HS2ST1: variants seen among roughly 807,000 people sequenced by gnomAD.
HS2ST1 encodes 2-O-sulfotransferase.
HS2ST1 carries 18 observed loss-of-function variants against 42.9 expected under a neutral mutation model. That is an observed-to-expected ratio of 0.42 (90% CI 0.29 to 0.62). The LOEUF (loss-of-function observed/expected upper bound fraction) is 0.62. HS2ST1 is among the 20% of genes least tolerant of loss of function. The pLI, the probability that HS2ST1 is intolerant of heterozygous loss-of-function variation, is 0.21. For missense variants in HS2ST1, 334 were observed against 433.8 expected (o/e 0.77, Z 2.04); for synonymous variants, 146 against 152.9 (o/e 0.95, Z 0.33).
chr1:87,061,405 C>T (rs1651119835), intron 1 of HS2ST1, among the ~76,000 whole-genome samples: 2 of 151,994 alleles, frequency 1.3e-5, no homozygotes, highest in African/African-American at 4.8e-5. Context: ...TCCATTTCTC[C>T]CTCCCCCCAT....
intron 1 of HS2ST1, among the ~76,000 whole-genome samples, chr1:87,033,875 A>G (rs1012436302): frequency 8.5e-5 from 13 of 152,118 alleles, no homozygotes; most frequent in African/African-American, 3.1e-4. Flanking sequence ...TTTGCATAAT[A>G]CTTTGACTTT....
In HS2ST1 at chr1:87,107,538, G is replaced by A. The variant is rs754426850; in HGVS notation, c.*2842G>A. On this transcript the variant is annotated 3_prime_UTR_variant, in exon 7 of 7. Transcript: ENST00000370550. ...GTGGTTTTCTTTTTTCAGCCTTTGC[G>A]CTTTTTCAGTATTTTGACCATAGGG... 1 of 150,982 alleles carries A rather than the reference G, an allele frequency of 6.6e-6. No homozygotes were observed. The highest frequency in any genetic ancestry group is 1.5e-5 in the Non-Finnish European group (1 of 67,698). 9.4% of individuals were successfully genotyped at this position (150,982 alleles called of 1,614,324 possible). A position where few individuals can be genotyped will look rare whatever the true frequency, so the allele number is the denominator to read the frequency against.
chr1:87,001,242 C>A lies in HS2ST1; in HGVS notation c.125-71692C>A, dbSNP rs988343507. ...CTGTACACAGGCTACTCCTCATAAT[C>A]CATTGCTTATCTTTTTGAACCAAGT... On this transcript the variant is annotated intron_variant, in intron 1 of 6. Transcript: ENST00000370550. Among the ~76,000 whole-genome samples the A allele has an allele frequency of 3.3e-5, 5 of 152,068 alleles. No homozygotes were observed. In the South Asian group the frequency reaches 1.0e-3, roughly 32 times the overall value.
Position 86,925,930 on chromosome 1 carries a change from C to T in HS2ST1, c.124+10770C>T, listed in dbSNP as rs1660407620. On this transcript the variant is annotated intron_variant, in intron 1 of 6. Coordinates refer to ENST00000370550, the MANE Select transcript of HS2ST1 (RefSeq NM_012262.4). ...TCTTTACGTGTCTGGTAATTTTTAACTGGATGGCAGACATTATTTTACCTT... is the reference window on the plus strand; with the variant it reads ...TCTTTACGTGTCTGGTAATTTTTAATTGGATGGCAGACATTATTTTACCTT... Among the ~76,000 whole-genome samples the T allele has an allele frequency of 3.3e-5, 5 of 152,278 alleles. No homozygotes were observed. The South Asian group carries it at 1.0e-3, about 32-fold the overall frequency.
At chr1:87,074,120 A>G (rs947612278) in intron 2 of HS2ST1, among the ~76,000 whole-genome samples, 1 of 152,200 alleles carries the variant, frequency 6.6e-6, no homozygotes, top group Non-Finnish European at 1.5e-5. Flanking sequence ...AGCTGTTTGT[A>G]AAGGCTAGTA....
intron 1 of HS2ST1, among the ~76,000 whole-genome samples, chr1:87,014,892 T>G (rs1037478864): frequency 3.3e-5 from 5 of 152,260 alleles, no homozygotes; most frequent in African/African-American, 4.8e-5. Context: ...TCCTAACTTC[T>G]ATAAATACAC....
intron 1 of HS2ST1, chr1:87,044,835 A>G (rs1650605708): frequency 2.7e-6 from 2 of 747,698 alleles, no homozygotes; most frequent in Non-Finnish European, 4.2e-6. Flanking sequence ...ACTGGTGTCC[A>G]TTTTTTCCCC....
intron 1 of HS2ST1, among the ~76,000 whole-genome samples, chr1:87,042,062 T>G (rs1216615682): frequency 2.0e-5 from 3 of 152,196 alleles, no homozygotes; most frequent in Non-Finnish European, 4.4e-5. Flanking sequence ...GATATGCATT[T>G]CCCTGATGGT....
intron 1 of HS2ST1, among the ~76,000 whole-genome samples, chr1:87,011,064 G>T (rs991542954): frequency 6.6e-6 from 1 of 152,068 alleles, no homozygotes; most frequent in Non-Finnish European, 1.5e-5. Flanking sequence ...GGGATTATAG[G>T]CATGAGCCAC....
At chr1:87,043,669 C>A (rs1308631316) in intron 1 of HS2ST1, among the ~76,000 whole-genome samples, 1 of 152,004 alleles carries the variant, frequency 6.6e-6, no homozygotes, top group Non-Finnish European at 1.5e-5. Context: ...GAAATAACAT[C>A]TTTCTTGTTG....
At chr1:86,950,617 A>G (rs1647485560) in intron 1 of HS2ST1, among the ~76,000 whole-genome samples, 1 of 152,210 alleles carries the variant, frequency 6.6e-6, no homozygotes, top group African/African-American at 2.4e-5. Flanking sequence ...AATGGGGTAC[A>G]TGTTGACATA....
At chr1:86,992,244 A>G (rs1648974046) in intron 1 of HS2ST1, among the ~76,000 whole-genome samples, 1 of 151,604 alleles carries the variant, frequency 6.6e-6, no homozygotes, top group Admixed American at 6.6e-5. Flanking sequence ...GTCTTCCTCA[A>G]AACTGGTCCT....
At chr1:86,953,312 G>C (rs556887075) in intron 1 of HS2ST1, among the ~76,000 whole-genome samples, 2 of 152,234 alleles carry the variant, frequency 1.3e-5, no homozygotes, top group African/African-American at 4.8e-5. Context: ...CCATTTCAGC[G>C]ATAAGGCAGT....
chr1:86,963,914 C>A (rs1030826945), intron 1 of HS2ST1, among the ~76,000 whole-genome samples: 4 of 150,252 alleles, frequency 2.7e-5, no homozygotes, highest in Non-Finnish European at 5.9e-5. Context: ...CCCCACCTCC[C>A]GGACGGGGCG....
At chr1:86,959,733 A>T (rs1025387624) in intron 1 of HS2ST1, among the ~76,000 whole-genome samples, 2 of 44,926 alleles carry the variant, frequency 4.5e-5, no homozygotes, top group South Asian at 2.2e-3. Flanking sequence ...CCTTAGATAT[A>T]AATCTTGCAA....
chr1:86,941,298 T>TTGACCAAA (rs1660757921), intron 1 of HS2ST1, among the ~76,000 whole-genome samples: 2 of 152,072 alleles, frequency 1.3e-5, no homozygotes, highest in Admixed American at 1.3e-4. Context: ...TATTCCTCAT[T>TTGACCAAA]TTTTCTCCTC....
chr1:87,071,375 T>C (rs574411338), intron 1 of HS2ST1, among the ~76,000 whole-genome samples: 1 of 152,298 alleles, frequency 6.6e-6, no homozygotes, highest in African/African-American at 2.4e-5. Flanking sequence ...ACACATACAA[T>C]GTAAAACTGC....
chr1:86,921,109 G>C (rs1317356372), intron 1 of HS2ST1, among the ~76,000 whole-genome samples: 1 of 152,086 alleles, frequency 6.6e-6, no homozygotes, highest in African/African-American at 2.4e-5. Flanking sequence ...AACTATCTTG[G>C]TAAATGTTCC....
At chr1:86,937,463 T>G (rs1660681012) in intron 1 of HS2ST1, among the ~76,000 whole-genome samples, 1 of 152,192 alleles carries the variant, frequency 6.6e-6, no homozygotes, top group Non-Finnish European at 1.5e-5. Context: ...TATGCATTCT[T>G]TCTTATTTGT....
Sources: allele counts gnomAD v4.1 joint callset (sites outside exome capture counted in the v4.1 genomes callset), GRCh38; gene constraint gnomAD v4.1.1; transcripts MANE v1.5; gene names NCBI Gene and HGNC (gene_info 2026-07-23, HGNC 2026-07-21).